TMEM106B: variants seen among roughly 807,000 people sequenced by gnomAD.
TMEM106B encodes transmembrane protein 106B.
In TMEM106B, 15 loss-of-function variants were observed where a neutral mutation model predicts 31.1. The observed-to-expected ratio is 0.48, with a 90% confidence interval of 0.32 to 0.74. TMEM106B has a LOEUF of 0.74. Ranked by LOEUF, TMEM106B falls within the 30% of genes least tolerant of loss-of-function variation. The pLI, the probability that TMEM106B is intolerant of heterozygous loss-of-function variation, is 0.03. For synonymous variants in TMEM106B, 126 were observed against 112.5 expected (o/e 1.12, Z -0.76); for missense variants, 283 against 327.3 (o/e 0.86, Z 1.04).
rs537991087 is a variant in TMEM106B at position 12,213,867 on chromosome 7, A to G, written c.-2-942A>G. 3.3e-4 allele frequency among the ~76,000 whole-genome samples: 51 copies of G among 152,320 alleles called. 1 individual carries two copies. The highest frequency in any genetic ancestry group is 2.4e-3 in the Admixed American group (37 of 15,302). ...TGGAACCCGCTTCTCTGTCAAGGGC[A>G]TTCCAAAGTAAACCTAAAAAGGTAG... On this transcript the variant is annotated intron_variant, in intron 1 of 7. Transcript: ENST00000396668.
chr7:12,230,628 A>G (rs554822299), intron 6 of TMEM106B, 190 bp downstream of exon 6: 3 of 421,054 alleles, frequency 7.1e-6, no homozygotes, highest in African/African-American at 6.2e-5. Context: ...TACACATAAA[A>G]TTTGTTTTTT....
rs774649619 is a variant in TMEM106B at position 12,232,025 on chromosome 7, T to A, written c.*50T>A. On this transcript the variant is annotated 3_prime_UTR_variant, in exon 8 of 8. Coordinates refer to ENST00000396668, the MANE Select transcript of TMEM106B (RefSeq NM_001134232.2). Reference sequence around the variant, plus strand: ...AAGAAATATCTATTGATATTTCCTATACTCTCAATGAAGAGGTATTTCCTA... The same window carrying A: ...AAGAAATATCTATTGATATTTCCTAAACTCTCAATGAAGAGGTATTTCCTA... 2 of 1,560,790 alleles carry A rather than the reference T, an allele frequency of 1.3e-6. No individual in the cohort carries two copies. Among genetic ancestry groups the A allele is most frequent in the Admixed American group, 3.5e-5 (2 of 57,664 alleles).
intron 7 of TMEM106B, 86 bp from the exon 8 acceptor site, chr7:12,231,751 T>A (rs1782027375): frequency 1.9e-6 from 2 of 1,051,248 alleles, no homozygotes; most frequent in Non-Finnish European, 2.7e-6. Context: ...TTCTGGGAGA[T>A]AATTTTTATG....
Position 12,240,101 on chromosome 7 carries a change from A to C in TMEM106B, c.*8126A>C, listed in dbSNP as rs1413199791. 5 of 152,186 alleles carry C rather than the reference A, an allele frequency of 3.3e-5. No homozygotes were observed. Among genetic ancestry groups the C allele is most frequent in the African/African-American group, 1.2e-4 (5 of 41,454 alleles). 9.4% of individuals were successfully genotyped at this position (152,186 alleles called of 1,614,324 possible). On this transcript the variant is annotated 3_prime_UTR_variant, in exon 8 of 8. Coordinates refer to ENST00000396668, the MANE Select transcript of TMEM106B (RefSeq NM_001134232.2). ...ACTCTGGTGTTGAGAACCTTTCATT[A>C]GCTGGCTACAATCTCAGTTCACAAT...
intron 1 of TMEM106B, among the ~76,000 whole-genome samples, chr7:12,213,118 G>A (rs73678692): frequency 0.12 from 18,625 of 151,982 alleles, 1,298 homozygotes; most frequent in African/African-American, 0.19. Context: ...TTTTGTGTAG[G>A]CACTAGTACT....
intron 4 of TMEM106B, among the ~76,000 whole-genome samples, chr7:12,227,636 T>C (rs936314553): frequency 1.4e-3 from 207 of 151,996 alleles, no homozygotes; most frequent in Non-Finnish European, 2.0e-3. Context: ...AAAACATCTT[T>C]GTGCTTAAAC....
At position 12,232,673 on chromosome 7, in the gene TMEM106B, CTTCAA is replaced by C. The variant is rs1430464323; in HGVS notation, c.*699_*703del. On this transcript the variant is annotated 3_prime_UTR_variant, in exon 8 of 8. Coordinates refer to ENST00000396668, the MANE Select transcript of TMEM106B (RefSeq NM_001134232.2). ...TAGTTTTGTGAAATCTTTGTGTGAT[CTTCAA>C]ACATTATCATTTAATGTACAATACT... The C allele has an allele frequency of 1.3e-5, 2 of 152,262 alleles. No individual in the cohort carries two copies. Among genetic ancestry groups the C allele is most frequent in the African/African-American group, 2.4e-5 (1 of 41,414 alleles). 9.4% of individuals were successfully genotyped at this position (152,262 alleles called of 1,614,324 possible). A position where few individuals can be genotyped will look rare whatever the true frequency, so the allele number is the denominator to read the frequency against.
Position 12,236,717 on chromosome 7 carries a change from A to G in TMEM106B, c.*4742A>G, listed in dbSNP as rs1707815315. 1 of 152,050 alleles carries G rather than the reference A, an allele frequency of 6.6e-6. No homozygotes were observed. Among genetic ancestry groups the G allele is most frequent in the Non-Finnish European group, 1.5e-5 (1 of 67,940 alleles). The allele number at this position is 152,050 out of a possible 1,614,324, so 9.4% of individuals were successfully genotyped here. A position where few individuals can be genotyped will look rare whatever the true frequency, so the allele number is the denominator to read the frequency against. The stretch of plus-strand genomic sequence containing the variant: ...TAGTTGGGTAATTCCAAGTGCTGAT[A>G]GTACTATTCATCTTTTTTATTATTG... On this transcript the variant is annotated 3_prime_UTR_variant, in exon 8 of 8. Coordinates refer to ENST00000396668, the MANE Select transcript of TMEM106B (RefSeq NM_001134232.2).
At position 12,232,551 on chromosome 7, in the gene TMEM106B, T is replaced by C. The variant is rs1782046504; in HGVS notation, c.*576T>C. On this transcript the variant is annotated 3_prime_UTR_variant, in exon 8 of 8. Coordinates refer to ENST00000396668, the MANE Select transcript of TMEM106B (RefSeq NM_001134232.2). ...TTTGTCACTTATTTCAGGTTAGTGA[T>C]TGCCTAACACTTATAAGCCAAAATA... 6.6e-6 allele frequency: 1 copy of C among 152,322 alleles called. No homozygotes were observed. The highest frequency in any genetic ancestry group is 2.4e-5 in the African/African-American group (1 of 41,438). The allele number at this position is 152,322 out of a possible 1,614,324, so 9.4% of individuals were successfully genotyped here.
intron 4 of TMEM106B, 110 bp from the exon 5 acceptor site, chr7:12,229,569 T>C: frequency 1.1e-6 from 1 of 930,238 alleles, no homozygotes; most frequent in African/African-American, 1.7e-5. Context: ...GGTATTACTT[T>C]CTTTTTCTTA....
Position 12,211,350 on chromosome 7 carries a change from C to T in TMEM106B, c.-78C>T, listed in dbSNP as rs1314138607. 2.0e-5 allele frequency: 3 copies of T among 152,364 alleles called. No individual in the cohort carries two copies. Among genetic ancestry groups the T allele is most frequent in the Non-Finnish European group, 4.4e-5 (3 of 68,158 alleles). The allele number at this position is 152,364 out of a possible 1,614,324, so 9.4% of individuals were successfully genotyped here. A position where few individuals can be genotyped will look rare whatever the true frequency, so the allele number is the denominator to read the frequency against. Reference sequence around the variant, plus strand: ...TCGCTCCACCCCCCGGCTCCCGGGACTGTGGACTCCACGACCCTGTCCTCG... The same window carrying T: ...TCGCTCCACCCCCCGGCTCCCGGGATTGTGGACTCCACGACCCTGTCCTCG... On this transcript the variant is annotated 5_prime_UTR_variant, in exon 1 of 8. Coordinates refer to ENST00000396668, the MANE Select transcript of TMEM106B (RefSeq NM_001134232.2).
At chr7:12,230,342 G>C (rs1408019149) in intron 5 of TMEM106B, 47 bp from the exon 6 acceptor site, 5 of 1,319,154 alleles carry the variant, frequency 3.8e-6, no homozygotes, top group African/African-American at 2.9e-5. Flanking sequence ...TGAAATGTTT[G>C]ATGTTTTGAT....
chr7:12,216,327 TG>T (rs1371009517), intron 2 of TMEM106B, among the ~76,000 whole-genome samples: 1 of 151,596 alleles, frequency 6.6e-6, no homozygotes, highest in Admixed American at 6.6e-5. Flanking sequence ...AGAGTTTTTT[TG>T]GGGGGGTTTG....
At chr7:12,217,720 G>A (rs912876517) in intron 2 of TMEM106B, among the ~76,000 whole-genome samples, 1 of 152,110 alleles carries the variant, frequency 6.6e-6, no homozygotes, top group Non-Finnish European at 1.5e-5. Flanking sequence ...GAGAGGAAGA[G>A]TATAGATGTG....
At position 12,233,188 on chromosome 7, in the gene TMEM106B, A is replaced by G. The variant is rs549788942; in HGVS notation, c.*1213A>G. 1 of 147,874 alleles carries G rather than the reference A, an allele frequency of 6.8e-6. No individual in the cohort carries two copies. The highest frequency in any genetic ancestry group is 2.1e-4 in the South Asian group (1 of 4,738). 9.2% of individuals were successfully genotyped at this position (147,874 alleles called of 1,614,324 possible). A position where few individuals can be genotyped will look rare whatever the true frequency, so the allele number is the denominator to read the frequency against. ...TTAAAATTGTTTTCAAATATAGATT[A>G]TTGACTTATTCAACTTTGCTGTTTT... On this transcript the variant is annotated 3_prime_UTR_variant, in exon 8 of 8. Transcript: ENST00000396668.
At chr7:12,226,851 A>G (rs1023948294) in intron 4 of TMEM106B, among the ~76,000 whole-genome samples, 8 of 152,162 alleles carry the variant, frequency 5.3e-5, no homozygotes, top group Admixed American at 3.9e-4. Flanking sequence ...GTTTTATGCA[A>G]CTGGGGAATT....
chr7:12,216,184 G>C (rs1022756373), intron 2 of TMEM106B, among the ~76,000 whole-genome samples: 1 of 152,054 alleles, frequency 6.6e-6, no homozygotes, highest in African/African-American at 2.4e-5. Context: ...TAGTTGAAGG[G>C]ATTAATGCAC....
intron 7 of TMEM106B, 50 bp downstream of exon 7, chr7:12,231,165 T>C (rs73677558): frequency 0.091 from 126,744 of 1,398,102 alleles, 6,429 homozygotes; most frequent in South Asian, 0.16. Context: ...ACATTTTGGA[T>C]TTATAACATT....
At chr7:12,229,235 G>A (rs887104181) in intron 4 of TMEM106B, among the ~76,000 whole-genome samples, 1 of 152,128 alleles carries the variant, frequency 6.6e-6, no homozygotes, top group African/African-American at 2.4e-5. Context: ...GCATGTGAAT[G>A]ATGCAACCAC....
Sources: gnomAD v4.1 joint callset for allele counts (sites outside exome capture counted in the v4.1 genomes callset) on GRCh38, gnomAD v4.1.1 for gene constraint, MANE v1.5 for transcripts, NCBI Gene and HGNC (gene_info 2026-07-23, HGNC 2026-07-21) for gene names.